The following CMTM8 variants were observed in gnomAD, a reference collection of about 807,000 sequenced individuals.
CMTM8 encodes CKLF like MARVEL transmembrane domain containing 8.
A neutral mutation model predicts 18.6 loss-of-function variants in CMTM8; 12 were observed. That is an observed-to-expected ratio of 0.65 (90% confidence interval 0.41 to 1.05). The LOEUF (loss-of-function observed/expected upper bound fraction) is 1.05. CMTM8 is among the 50% of genes least tolerant of loss of function. The pLI is 0.00. For missense variants in CMTM8, 217 were observed against 227.2 expected (o/e 0.95, Z 0.29); for synonymous variants, 87 against 90.6 (o/e 0.96, Z 0.23).
At chr3:32,307,436 G>T (rs1320429410) in intron 1 of CMTM8, among the ~76,000 whole-genome samples, 1 of 152,156 alleles carries the variant, frequency 6.6e-6, no homozygotes, top group Non-Finnish European at 1.5e-5. Flanking sequence ...TCTGTCTTGG[G>T]TAGGTGGGGA....
chr3:32,250,315 AC>A (rs1260619892), intron 1 of CMTM8, among the ~76,000 whole-genome samples: 24 of 152,212 alleles, frequency 1.6e-4, no homozygotes, highest in Admixed American at 1.6e-3. Flanking sequence ...GAGTCCTCCA[AC>A]TTGGTTCTTT....
At chr3:32,268,753 T>C (rs1040677794) in intron 1 of CMTM8, among the ~76,000 whole-genome samples, 2 of 152,212 alleles carry the variant, frequency 1.3e-5, no homozygotes, top group Non-Finnish European at 2.9e-5. Flanking sequence ...CTATAGACTT[T>C]ATTGAAAGAA....
At chr3:32,256,637 A>T (rs543742395) in intron 1 of CMTM8, among the ~76,000 whole-genome samples, 4 of 152,348 alleles carry the variant, frequency 2.6e-5, no homozygotes, top group African/African-American at 9.6e-5. Flanking sequence ...TAAGATAATT[A>T]TAGGGAAGTT....
chr3:32,348,645 C>T (rs1386219400), intron 1 of CMTM8, among the ~76,000 whole-genome samples: 8 of 150,442 alleles, frequency 5.3e-5, no homozygotes, highest in East Asian at 2.0e-4. Flanking sequence ...ACTACAGGCA[C>T]GTGCCATCAC....
In CMTM8 at chr3:32,302,897, TG is replaced by T. The variant is rs1478762219; in HGVS notation, c.148-54472del. 5.3e-5 allele frequency among the ~76,000 whole-genome samples: 8 copies of T among 152,310 alleles called. No homozygotes were observed. The East Asian group carries it at 1.5e-3, about 29-fold the overall frequency. On this transcript the variant is annotated intron_variant, in intron 1 of 3. Coordinates refer to ENST00000307526, the MANE Select transcript of CMTM8 (RefSeq NM_178868.5). ...TGGCTGAATTTGAACAAAGGAACCC[TG>T]GGGCATTAGATGTAGAACTTTGTTG... is the stretch of plus-strand genomic sequence containing the variant.
chr3:32,264,850 CAAA>C (rs1333612745), intron 1 of CMTM8, among the ~76,000 whole-genome samples: 1 of 152,056 alleles, frequency 6.6e-6, no homozygotes, highest in Non-Finnish European at 1.5e-5. Flanking sequence ...TCAAAAGAGA[CAAA>C]GAAGGCCATT....
chr3:32,278,214 GT>G (rs1702548049), intron 1 of CMTM8, among the ~76,000 whole-genome samples: 1 of 152,222 alleles, frequency 6.6e-6, no homozygotes, highest in African/African-American at 2.4e-5. Context: ...CTGGCATCCT[GT>G]TGGTCAGAAT....
At chr3:32,256,216 A>G (rs1297744918) in intron 1 of CMTM8, among the ~76,000 whole-genome samples, 2 of 126,074 alleles carry the variant, frequency 1.6e-5, no homozygotes, top group Non-Finnish European at 3.3e-5. Context: ...ACAGGTGTGC[A>G]CCACCAAGCC....
intron 1 of CMTM8, among the ~76,000 whole-genome samples, chr3:32,333,827 A>G (rs1043749640): frequency 6.6e-6 from 1 of 152,144 alleles, no homozygotes; most frequent in Non-Finnish European, 1.5e-5. Context: ...TAGAATGCCT[A>G]CCACCATGAG....
intron 1 of CMTM8, among the ~76,000 whole-genome samples, chr3:32,246,191 T>C (rs545835327): frequency 3.3e-5 from 5 of 152,350 alleles, no homozygotes; most frequent in African/African-American, 1.2e-4. Flanking sequence ...ATACCTTCCA[T>C]TTGTCCTTCA....
rs114898946 is a variant in CMTM8 at position 32,366,894 on chromosome 3, G to C, written c.322-978G>C. ...ATGAAGCCCTTGTCTTAAAGGTTAA[G>C]TGCCCTGACCTGAAGACAGTGTGAG... On this transcript the variant is annotated intron_variant, in intron 2 of 3. Transcript: ENST00000307526. Among the ~76,000 whole-genome samples, 886 of 152,296 alleles carry C rather than the reference G, an allele frequency of 5.8e-3. 6 individuals carry two copies. Among genetic ancestry groups the C allele is most frequent in the Non-Finnish European group, 8.8e-3 (597 of 68,028 alleles).
intron 1 of CMTM8, among the ~76,000 whole-genome samples, chr3:32,245,795 T>C (rs1158966244): frequency 1.3e-5 from 2 of 152,158 alleles, no homozygotes; most frequent in East Asian, 3.8e-4. Context: ...GAAAAAACTT[T>C]TATTTATTAT....
intron 1 of CMTM8, among the ~76,000 whole-genome samples, chr3:32,322,081 C>G (rs982478017): frequency 6.6e-6 from 1 of 152,162 alleles, no homozygotes; most frequent in African/African-American, 2.4e-5. Flanking sequence ...TGATGGAATT[C>G]CCTTCTCATG....
chr3:32,273,718 T>C (rs546381571), intron 1 of CMTM8, among the ~76,000 whole-genome samples: 6 of 152,278 alleles, frequency 3.9e-5, no homozygotes, highest in South Asian at 2.1e-4. Flanking sequence ...CTGATAGATA[T>C]GGAGTTTCTT....
chr3:32,353,776 C>G (rs955930334), intron 1 of CMTM8, among the ~76,000 whole-genome samples: 1 of 147,382 alleles, frequency 6.8e-6, no homozygotes, highest in African/African-American at 2.5e-5. Flanking sequence ...TAATATACTT[C>G]TGTGTTAATT....
rs375191992 is a variant in CMTM8, at chr3:32,367,942, C to T, written c.392C>T (p.Ser131Phe). The T allele has an allele frequency of 1.5e-5, 24 of 1,614,188 alleles. No individual in the cohort carries two copies. The highest frequency in any genetic ancestry group is 1.1e-4 in the African/African-American group (8 of 75,054). Residue 131 changes from serine to phenylalanine, a missense_variant, in exon 3 of 4, where the codon TCC becomes TTC. Coordinates refer to ENST00000307526, the MANE Select transcript of CMTM8 (RefSeq NM_178868.5). Reference sequence around the variant, plus strand: ...GCTGTTGTAGATGCATCTTCCGTCTCCCCTGAGAGGGACAGTCACAACTTC... The same window carrying T: ...GCTGTTGTAGATGCATCTTCCGTCTTCCCTGAGAGGGACAGTCACAACTTC... ...SAAVVDASSV[S>F]PERDSHNFNS...
intron 1 of CMTM8, among the ~76,000 whole-genome samples, chr3:32,333,782 A>G (rs933904863): frequency 6.6e-6 from 1 of 152,100 alleles, no homozygotes; most frequent in Admixed American, 6.5e-5. Flanking sequence ...GGCTCTGATG[A>G]TGGATACATG....
chr3:32,299,340 A>AAGT (rs1695566933), intron 1 of CMTM8, among the ~76,000 whole-genome samples: 1 of 152,200 alleles, frequency 6.6e-6, no homozygotes, highest in African/African-American at 2.4e-5. Context: ...AAACTTGTTG[A>AAGT]AGTACTTGGT....
chr3:32,362,322 C>T (rs186183739), intron 2 of CMTM8, among the ~76,000 whole-genome samples: 1 of 152,046 alleles, frequency 6.6e-6, no homozygotes, highest in African/African-American at 2.4e-5. Flanking sequence ...GGATTACAGG[C>T]GAGAGCCACC....
Sources: allele counts gnomAD v4.1 joint callset (sites outside exome capture counted in the v4.1 genomes callset), GRCh38; gene constraint gnomAD v4.1.1; transcripts MANE v1.5; gene names NCBI Gene and HGNC (gene_info 2026-07-23, HGNC 2026-07-21).